The following UBA3 variants were observed in gnomAD, a reference collection of about 807,000 sequenced individuals.
UBA3 encodes the protein ubiquitin like modifier activating enzyme 3.
UBA3 carries 26 observed loss-of-function variants against 73.5 expected under a neutral mutation model. The observed-to-expected ratio is 0.35, with a 90% CI of 0.26 to 0.49. UBA3 has a LOEUF of 0.49. UBA3 is among the 20% of genes least tolerant of loss of function. The pLI is 0.98. For missense variants in UBA3, 495 were observed against 555.6 expected, an observed-to-expected ratio of 0.89 and a Z score of 1.10; for synonymous variants, 217 against 191.2, an observed-to-expected ratio of 1.13 and a Z score of -1.11.
rs142950703 is a variant in UBA3, at chr3:69,059,924, G to A, written c.910+1890C>T. On this transcript the variant is annotated intron_variant, in intron 11 of 17. Transcript: ENST00000361055. ...TCATTTGGCTACTATGACTAACTTA[G>A]CAACTCAGGAAAATGCAAAAGATAG... Among the ~76,000 whole-genome samples, 308 of 152,218 alleles carry A rather than the reference G, an allele frequency of 2.0e-3. 2 individuals carry two copies. Among genetic ancestry groups the A allele is most frequent in the African/African-American group, 7.1e-3 (296 of 41,538 alleles).
At chr3:69,077,732 A>C in intron 3 of UBA3, 66 bp downstream of exon 3, 4 of 1,443,670 alleles carry the variant, frequency 2.8e-6, no homozygotes, top group Non-Finnish European at 1.8e-6. Context: ...ATTAAAAAAG[A>C]AGCATTCTAT....
chr3:69,061,837 C>T lies in UBA3; in HGVS notation c.887G>A (p.Gly296Asp), dbSNP rs771628506. 4.4e-6 allele frequency: 7 copies of T among 1,607,380 alleles called. No homozygotes were observed. Among genetic ancestry groups the T allele is most frequent in the Non-Finnish European group, 5.9e-6 (7 of 1,177,128 alleles). The change falls in exon 11 of 18, where the codon GGT becomes GAT. Residue 296 changes from glycine to aspartate, a missense_variant. Coordinates refer to ENST00000361055, the MANE Select transcript of UBA3 (RefSeq NM_003968.4). ...ACCTTGAGTGAGCCTATACGTAACA[C>T]CCCTAATATTATATTGTGATGCTCT... The part of the protein sequence containing the change: ...LERASQYNIR[G>D]VTYRLTQGVV...
In UBA3 at chr3:69,075,415, ATG is replaced by A. The variant is rs1469676769; in HGVS notation, c.264+13_264+14del. 3.1e-6 allele frequency: 4 copies of A among 1,273,404 alleles called. No individual in the cohort carries two copies. Among genetic ancestry groups the A allele is most frequent in the African/African-American group, 3.2e-5 (2 of 63,170 alleles). 78.9% of individuals were successfully genotyped at this position (1,273,404 alleles called of 1,614,324 possible). On this transcript the variant is annotated intron_variant, in intron 4 of 17. Coordinates refer to ENST00000361055, the MANE Select transcript of UBA3 (RefSeq NM_003968.4). ...AGAAGAAAAAAATATTTATATATAT[ATG>A]TATATATATTACCAGATTTTTCAGG... is the stretch of plus-strand genomic sequence containing the variant.
chr3:69,079,777 C>G, intron 2 of UBA3: 1 of 351,170 alleles, frequency 2.8e-6, no homozygotes, highest in South Asian at 5.0e-5. Flanking sequence ...AGGTAGATTG[C>G]CTTTTCACAG....
chr3:69,064,117 T>TA lies in UBA3; in HGVS notation c.429-7dup. On this transcript the variant is annotated splice_region_variant and splice_polypyrimidine_tract_variant and intron_variant, in intron 6 of 17. Transcript: ENST00000361055. ...CTTGAATCTTGTTGAAATGTCTGAA[T>TA]ACAAGTAAAGGAACTTAAGCAGCTA... 2.5e-6 allele frequency: 4 copies of TA among 1,600,512 alleles called. No individual in the cohort carries two copies. Among genetic ancestry groups the TA allele is most frequent in the East Asian group, 2.3e-5 (1 of 44,236 alleles).
rs1331437685 is a variant in UBA3 at position 69,068,351 on chromosome 3, G to C, written c.348-343C>G. On this transcript the variant is annotated intron_variant, in intron 5 of 17. Transcript: ENST00000361055. ...AAAATTATCCCACTCTTAGAGCTCAGAACCTTATGGTGTTACTCCACAGGT... is the reference window on the plus strand; with the variant it reads ...AAAATTATCCCACTCTTAGAGCTCACAACCTTATGGTGTTACTCCACAGGT... Among the ~76,000 whole-genome samples the C allele has an allele frequency of 2.0e-5, 3 of 152,058 alleles. No homozygotes were observed. In the East Asian group the frequency reaches 5.8e-4, roughly 29 times the overall value.
intron 11 of UBA3, among the ~76,000 whole-genome samples, chr3:69,060,307 T>C (rs375733025): frequency 3.0e-4 from 45 of 151,108 alleles, no homozygotes; most frequent in African/African-American, 1.0e-3. Context: ...AAAAAGACAC[T>C]CCCCAAACTG....
At chr3:69,074,173 T>C (rs1439538763) in intron 4 of UBA3, among the ~76,000 whole-genome samples, 2 of 152,218 alleles carry the variant, frequency 1.3e-5, no homozygotes, top group Non-Finnish European at 2.9e-5. Flanking sequence ...TTGCAAATAA[T>C]GGCTTCAAAA....
chr3:69,064,038 G>C (rs2092045842), intron 7 of UBA3, 30 bp downstream of exon 7: 4 of 1,575,502 alleles, frequency 2.5e-6, no homozygotes, highest in Non-Finnish European at 2.6e-6. Flanking sequence ...TAAGAATCTA[G>C]TGAGCATTAA....
At chr3:69,068,115 AT>A in intron 5 of UBA3, 107 bp from the exon 6 acceptor site, 1 of 727,170 alleles carries the variant, frequency 1.4e-6, no homozygotes, top group Non-Finnish European at 2.1e-6. Context: ...CTTATAGGAA[AT>A]TTAGAAGGAA....
At chr3:69,065,461 T>C (rs1298990146) in intron 6 of UBA3, among the ~76,000 whole-genome samples, 1 of 152,208 alleles carries the variant, frequency 6.6e-6, no homozygotes, top group Non-Finnish European at 1.5e-5. Flanking sequence ...CACATAGATT[T>C]GTGTAACCAC....
intron 2 of UBA3, 127 bp downstream of exon 2, chr3:69,079,985 C>A: frequency 3.6e-6 from 3 of 834,750 alleles, no homozygotes; most frequent in Non-Finnish European, 5.5e-6. Flanking sequence ...GGGGATGAGG[C>A]AGCGCGGCCT....
At chr3:69,057,456 TCTTTCA>T in intron 11 of UBA3, 147 bp from the exon 12 acceptor site, 1 of 680,088 alleles carries the variant, frequency 1.5e-6, no homozygotes, top group Non-Finnish European at 2.5e-6. Flanking sequence ...CATGAAACAA[TCTTTCA>T]CATCCCCATC....
At chr3:69,060,449 C>A (rs1162911696) in intron 11 of UBA3, among the ~76,000 whole-genome samples, 1 of 152,136 alleles carries the variant, frequency 6.6e-6, no homozygotes, top group Admixed American at 6.6e-5. Flanking sequence ...AACATAAATA[C>A]CTGCTCTCCT....
chr3:69,064,749 G>A (rs774199809), intron 6 of UBA3, among the ~76,000 whole-genome samples: 1 of 152,164 alleles, frequency 6.6e-6, no homozygotes, highest in Non-Finnish European at 1.5e-5. Flanking sequence ...CTGATTGTGG[G>A]TGAGTCAATA....
At chr3:69,057,446 C>A (rs2091983805) in intron 11 of UBA3, 137 bp from the exon 12 acceptor site, 2 of 744,564 alleles carry the variant, frequency 2.7e-6, no homozygotes, top group Admixed American at 3.0e-5. Flanking sequence ...TAAATTTAAC[C>A]ATGAAACAAT....
intron 5 of UBA3, among the ~76,000 whole-genome samples, chr3:69,069,188 G>A (rs1434030942): frequency 1.3e-5 from 2 of 152,054 alleles, no homozygotes; most frequent in Non-Finnish European, 2.9e-5. Context: ...AAGTGACCAT[G>A]TTCTTACTCT....
chr3:69,075,158 G>C (rs1020309874), intron 4 of UBA3: 1 of 166,876 alleles, frequency 6.0e-6, no homozygotes, highest in African/African-American at 2.4e-5. Flanking sequence ...TTTGCCAGAG[G>C]AAGCACCAAA....
Position 69,068,012 on chromosome 3 carries a change from C to T in UBA3, c.348-4G>A, listed in dbSNP as rs773794431. On this transcript the variant is annotated splice_polypyrimidine_tract_variant and splice_region_variant and intron_variant, in intron 5 of 17. Transcript: ENST00000361055. ...AGGTCTTCCAATATCTTTAGGCCTA[C>T]AGGAAAAATATTTAAATTATAATTC... is the stretch of plus-strand genomic sequence containing the variant. The T allele has an allele frequency of 3.9e-6, 6 of 1,543,664 alleles. No individual in the cohort carries two copies. Among genetic ancestry groups the T allele is most frequent in the South Asian group, 1.3e-5 (1 of 79,162 alleles).
Sources: gnomAD v4.1 joint callset for allele counts (sites outside exome capture counted in the v4.1 genomes callset) on GRCh38, gnomAD v4.1.1 for gene constraint, MANE v1.5 for transcripts, NCBI Gene and HGNC (gene_info 2026-07-23, HGNC 2026-07-21) for gene names.